The following MAML2 variants were observed in gnomAD, a reference collection of about 807,000 sequenced individuals.
MAML2 encodes the protein mastermind like transcriptional coactivator 2.
Under a neutral mutation model 96.1 loss-of-function variants are expected in MAML2, and 22 were observed. The observed-to-expected ratio is 0.23, with a 90% CI of 0.16 to 0.33. The LOEUF is 0.33. MAML2 is among the 10% of genes least tolerant of loss of function. The probability of loss-of-function intolerance (pLI) is 1.00; values close to 1 mark genes in which losing one functional copy is unlikely to be tolerated. For missense variants in MAML2, 1,367 were observed against 1,392.4 expected (o/e 0.98, Z 0.29); for synonymous variants, 561 against 521.3 (o/e 1.08, Z -1.04).
intron 1 of MAML2, among the ~76,000 whole-genome samples, chr11:96,106,841 C>T (rs760822370): frequency 5.3e-5 from 8 of 152,284 alleles, no homozygotes; most frequent in African/African-American, 1.4e-4. Context: ...TACATTTCTT[C>T]GCTGTACCTG....
intron 1 of MAML2, among the ~76,000 whole-genome samples, chr11:96,271,957 G>A: frequency 6.6e-6 from 1 of 151,978 alleles, no homozygotes; most frequent in East Asian, 1.9e-4. Context: ...AGCATTCCAG[G>A]GATACTCCTG....
chr11:96,254,895 C>T (rs1026145751), intron 1 of MAML2, among the ~76,000 whole-genome samples: 12 of 152,174 alleles, frequency 7.9e-5, no homozygotes, highest in Non-Finnish European at 4.4e-5. Flanking sequence ...TCACAGCTGA[C>T]TACAGCCTCT....
intron 1 of MAML2, among the ~76,000 whole-genome samples, chr11:96,117,191 C>T (rs950127953): frequency 1.9e-4 from 29 of 151,546 alleles, no homozygotes; most frequent in African/African-American, 3.6e-4. Flanking sequence ...CAATAAGGTA[C>T]GGGCACACCA....
intron 1 of MAML2, among the ~76,000 whole-genome samples, chr11:96,311,477 C>T (rs115270047): frequency 1.8e-3 from 277 of 152,244 alleles, no homozygotes; most frequent in African/African-American, 5.9e-3. Flanking sequence ...ACATTCATCC[C>T]ACGGGAGAAG....
intron 1 of MAML2, among the ~76,000 whole-genome samples, chr11:96,266,328 C>T (rs1172281745): frequency 2.6e-5 from 4 of 152,044 alleles, no homozygotes; most frequent in Non-Finnish European, 4.4e-5. Context: ...CCCAGCACTT[C>T]GGGAGGTCGA....
In MAML2 at chr11:96,146,015, A is replaced by T. The variant is rs200451333; in HGVS notation, c.514-52498T>A. On this transcript the variant is annotated intron_variant, in intron 1 of 4. Transcript: ENST00000524717. ...CAGAGCAAGACTCCGTCTCAAAAAAAAAAATTGTATACTTACACGTGTGTG... is the reference window on the plus strand; with the variant it reads ...CAGAGCAAGACTCCGTCTCAAAAAATAAAATTGTATACTTACACGTGTGTG... Among the ~76,000 whole-genome samples the T allele has an allele frequency of 1.7e-4, 26 of 152,370 alleles. No individual in the cohort carries two copies. The East Asian group carries it at 4.0e-3, about 24-fold the overall frequency.
chr11:96,073,641 G>C (rs1043481741), intron 2 of MAML2, among the ~76,000 whole-genome samples: 4 of 152,104 alleles, frequency 2.6e-5, no homozygotes, highest in African/African-American at 9.7e-5. Flanking sequence ...AGACAATGAC[G>C]ATTTAATGGA....
intron 1 of MAML2, among the ~76,000 whole-genome samples, chr11:96,112,489 T>C (rs980264777): frequency 6.6e-6 from 1 of 152,272 alleles, no homozygotes; most frequent in African/African-American, 2.4e-5. Flanking sequence ...CTAAAATGCC[T>C]GAGCCGCTGG....
chr11:96,156,874 A>G (rs1220691979), intron 1 of MAML2, among the ~76,000 whole-genome samples: 1 of 152,248 alleles, frequency 6.6e-6, no homozygotes, highest in East Asian at 1.9e-4. Flanking sequence ...ATGAAGCAAT[A>G]AAAACAAAAC....
chr11:96,341,497 G>A lies in MAML2; in HGVS notation c.399C>T (p.His133=). 4 of 1,551,556 alleles carry A rather than the reference G, an allele frequency of 2.6e-6. No homozygotes were observed. The highest frequency in any genetic ancestry group is 3.5e-6 in the Non-Finnish European group (4 of 1,146,972). The stretch of plus-strand genomic sequence containing the variant: ...TACTGTTCAGCAGGTGCTGCTGGTG[G>A]TGATGGTGATAGTCTGGTGGGGGCG... ...APPPPPDYHH[H]HQQHLLNSSN... Residue 133 remains histidine (H), a synonymous_variant, in exon 1 of 5, where the codon CAC becomes CAT. Coordinates refer to ENST00000524717, the MANE Select transcript of MAML2 (RefSeq NM_032427.4).
chr11:96,315,818 A>C (rs1273595338), intron 1 of MAML2, among the ~76,000 whole-genome samples: 1 of 152,212 alleles, frequency 6.6e-6, no homozygotes, highest in African/African-American at 2.4e-5. Context: ...GTGAGGAACT[A>C]TAGGGAAACC....
chr11:96,005,939 G>A (rs1032989646), intron 2 of MAML2, among the ~76,000 whole-genome samples: 9 of 152,178 alleles, frequency 5.9e-5, no homozygotes, highest in African/African-American at 1.9e-4. Context: ...TGAGAAATGA[G>A]AGAATGTCTC....
At chr11:96,140,642 T>C (rs1158638581) in intron 1 of MAML2, among the ~76,000 whole-genome samples, 2 of 152,178 alleles carry the variant, frequency 1.3e-5, no homozygotes, top group East Asian at 1.9e-4. Flanking sequence ...GGTAGCAGTG[T>C]TGCCCCTAGA....
chr11:96,309,861 A>T (rs1306949485), intron 1 of MAML2, among the ~76,000 whole-genome samples: 1 of 151,880 alleles, frequency 6.6e-6, no homozygotes, highest in Non-Finnish European at 1.5e-5. Context: ...CACCACGCCC[A>T]GCTAATTTAT....
intron 2 of MAML2, among the ~76,000 whole-genome samples, chr11:96,006,112 TTC>T (rs1858174620): frequency 1.3e-5 from 2 of 152,176 alleles, no homozygotes; most frequent in Admixed American, 1.3e-4. Context: ...GAGCCATCTG[TTC>T]TCTGTTAAAT....
At chr11:96,222,565 C>G (rs1473118821) in intron 1 of MAML2, among the ~76,000 whole-genome samples, 1 of 152,194 alleles carries the variant, frequency 6.6e-6, no homozygotes, top group African/African-American at 2.4e-5. Context: ...TTCCTCTCAG[C>G]ACGAATGCAA....
Position 95,988,428 on chromosome 11 carries a change from T to G in MAML2, c.2344-2786A>C, listed in dbSNP as rs538783963. 2.0e-5 allele frequency among the ~76,000 whole-genome samples: 3 copies of G among 151,374 alleles called. No individual in the cohort carries two copies. The East Asian group carries it at 5.8e-4, about 29-fold the overall frequency. On this transcript the variant is annotated intron_variant, in intron 3 of 4. Coordinates refer to ENST00000524717, the MANE Select transcript of MAML2 (RefSeq NM_032427.4). ...TGCCCGCCATCATGCCCAGCTAATT[T>G]TGTATTTTTTTAGTAGAGACGGAGT...
chr11:96,113,818 G>T (rs1214252707), intron 1 of MAML2, among the ~76,000 whole-genome samples: 1 of 152,090 alleles, frequency 6.6e-6, no homozygotes, highest in Non-Finnish European at 1.5e-5. Context: ...CTGAGGCCTT[G>T]AAACCACTGA....
In MAML2 at chr11:95,978,589, G is replaced by T. The variant is rs554051824; in HGVS notation, c.*359C>A. On this transcript the variant is annotated 3_prime_UTR_variant, in exon 5 of 5. Coordinates refer to ENST00000524717, the MANE Select transcript of MAML2 (RefSeq NM_032427.4). ...AACTAGTACCTCCTCATGACATGGG[G>T]TTTAAATAAACTACAAGTTCTATTA... 2 of 262,156 alleles carry T rather than the reference G, an allele frequency of 7.6e-6. No homozygotes were observed. The highest frequency in any genetic ancestry group is 2.2e-5 in the African/African-American group (1 of 45,540). The allele number at this position is 262,156 out of a possible 1,614,324, so 16.2% of individuals were successfully genotyped here.
Sources: gnomAD v4.1 joint callset for allele counts (sites outside exome capture counted in the v4.1 genomes callset) on GRCh38, gnomAD v4.1.1 for gene constraint, MANE v1.5 for transcripts, NCBI Gene and HGNC (gene_info 2026-07-23, HGNC 2026-07-21) for gene names.